The following SARS1 variants were observed in gnomAD, a reference collection of about 807,000 sequenced individuals.
SARS1 encodes seryl-tRNA synthetase 1, also known as serine--tRNA ligase, cytoplasmic.
A neutral mutation model predicts 63.7 loss-of-function variants in SARS1; 25 were observed. The ratio of observed to expected loss-of-function variants is 0.39; its 90% CI spans 0.29 to 0.55. SARS1 has a LOEUF of 0.55. Among genes scored for constraint, SARS1 ranks in the 20% least tolerant of loss-of-function variants. The pLI, the probability that SARS1 is intolerant of heterozygous loss-of-function variation, is 0.62. For synonymous variants in SARS1, 231 were observed against 243.5 expected, an observed-to-expected ratio of 0.95 and a Z score of 0.48; for missense variants, 417 against 649.7, an observed-to-expected ratio of 0.64 and a Z score of 3.89.
In SARS1 at chr1:109,235,492, GAGAT is replaced by G. The variant is rs1655289793; in HGVS notation, c.969+64_969+67del. 1.5e-6 allele frequency: 2 copies of G among 1,356,322 alleles called. No individual in the cohort carries two copies. Among genetic ancestry groups the G allele is most frequent in the Non-Finnish European group, 2.1e-6 (2 of 970,640 alleles). The allele number at this position is 1,356,322 out of a possible 1,614,324, so 84.0% of individuals were successfully genotyped here. A position where few individuals can be genotyped will look rare whatever the true frequency, so the allele number is the denominator to read the frequency against. On this transcript the variant is annotated intron_variant, in intron 7 of 10. Transcript: ENST00000234677. The surrounding 1 kb of genome is among the most constrained non-coding windows in gnomAD (Gnocchi z 4.7). ...CTCTGTCTCCAGAATGGTTAGATGA[GAGAT>G]AGGATCTGTGTTGCTGAGGCCCATC...
rs1381036341 is a variant in SARS1 at position 109,235,813 on chromosome 1, A to ACC, written c.970-163_970-162dup. ...GCTGGCATGCATACGGGAAGCTCGCACCATAAGCATTTGCTCTTGTGGTCC... is the reference window on the plus strand; with the variant it reads ...GCTGGCATGCATACGGGAAGCTCGCACCCCATAAGCATTTGCTCTTGTGGTCC... On this transcript the variant is annotated intron_variant, in intron 7 of 10. Coordinates refer to ENST00000234677, the MANE Select transcript of SARS1 (RefSeq NM_006513.4). This position sits in a 1 kb window ranked among gnomAD's most constrained non-coding sequence, Gnocchi z 4.7. Among the ~76,000 whole-genome samples the ACC allele has an allele frequency of 6.6e-6, 1 of 152,200 alleles. No homozygotes were observed. Among genetic ancestry groups the ACC allele is most frequent in the Non-Finnish European group, 1.5e-5 (1 of 68,032 alleles).
intron 3 of SARS1, 84 bp downstream of exon 3, chr1:109,228,516 T>A: frequency 1.1e-6 from 1 of 886,584 alleles, no homozygotes; most frequent in Non-Finnish European, 1.9e-6. Context: ...CTCACTCTGC[T>A]CCACACAGCA....
intron 1 of SARS1, among the ~76,000 whole-genome samples, chr1:109,221,994 A>G (rs865942433): frequency 0.05 from 1,181 of 23,530 alleles, 100 homozygotes; most frequent in Non-Finnish European, 0.058. Flanking sequence ...ATATATATAT[A>G]TATATATATA....
At chr1:109,236,755 T>A in intron 9 of SARS1, 2 of 1,553,502 alleles carry the variant, frequency 1.3e-6, no homozygotes, top group South Asian at 2.4e-5. Context: ...CTCTCTTCTA[T>A]AAGGTAATTC....
rs1414854622 is a variant in SARS1 at position 109,238,169 on chromosome 1, G to A, written c.*281G>A. 2.4e-6 allele frequency: 1 copy of A among 424,528 alleles called. No individual in the cohort carries two copies. The highest frequency in any genetic ancestry group is 1.9e-5 in the African/African-American group (1 of 51,314). 26.3% of individuals were successfully genotyped at this position (424,528 alleles called of 1,614,324 possible). A position where few individuals can be genotyped will look rare whatever the true frequency, so the allele number is the denominator to read the frequency against. On this transcript the variant is annotated 3_prime_UTR_variant, in exon 11 of 11. Coordinates refer to ENST00000234677, the MANE Select transcript of SARS1 (RefSeq NM_006513.4). ...TTCCCCGGGCTTGAACCCCGCCTCT[G>A]AGGTTCTCCCTGATATACACTTCTG...
Position 109,230,955 on chromosome 1 carries a change from G to A in SARS1, c.525G>A (p.Val175=). The part of the protein sequence containing the change: ...RKKYSHVDLV[V]MVDGFEGEKG... ...AGTACTCTCATGTGGACCTGGTGGT[G>A]ATGGTAGATGGCTTTGAAGGCGAAA... Residue 175 remains valine (V), a synonymous_variant, in exon 5 of 11, where the codon GTG becomes GTA. Transcript: ENST00000234677. The A allele has an allele frequency of 6.3e-7, 1 of 1,580,530 alleles. No homozygotes were observed. The highest frequency in any genetic ancestry group is 8.6e-7 in the Non-Finnish European group (1 of 1,164,086).
At chr1:109,226,697 T>TATATATATATACAC (rs1183766306) in intron 2 of SARS1, among the ~76,000 whole-genome samples, 1 of 104,178 alleles carries the variant, frequency 9.6e-6, no homozygotes, top group African/African-American at 3.8e-5. Context: ...TATATATATA[T>TATATATATATACAC]ACACACACAC....
intron 3 of SARS1, among the ~76,000 whole-genome samples, chr1:109,228,812 C>T (rs960541661): frequency 2.6e-5 from 4 of 152,150 alleles, no homozygotes; most frequent in Non-Finnish European, 4.4e-5. Context: ...AGTCACTGAA[C>T]CCTTTCTTGA....
At chr1:109,229,636 C>T (rs891425786) in intron 4 of SARS1, 64 bp downstream of exon 4, 14 of 1,521,702 alleles carry the variant, frequency 9.2e-6, no homozygotes, top group African/African-American at 5.6e-5. Flanking sequence ...GGGGCGGGGA[C>T]GGGAGGAGAT....
chr1:109,216,521 C>G, intron 1 of SARS1: 1 of 985,264 alleles, frequency 1.0e-6, no homozygotes, highest in Non-Finnish European at 1.2e-6. Flanking sequence ...AAATAGATTT[C>G]CATGTAACTG....
rs978605063 is a variant in SARS1 at position 109,228,237 on chromosome 1, A to G, written c.208-115A>G. 1.8e-5 allele frequency: 14 copies of G among 797,338 alleles called. No individual in the cohort carries two copies. The African/African-American group carries it at 2.5e-4, about 14-fold the overall frequency. 49.4% of individuals were successfully genotyped at this position (797,338 alleles called of 1,614,324 possible). The stretch of plus-strand genomic sequence containing the variant: ...CATGTTGTATCTTTTAGAAAAATTT[A>G]TGTAAGAAGTTCTGTGATTCATTTA... On this transcript the variant is annotated intron_variant, in intron 2 of 10. Coordinates refer to ENST00000234677, the MANE Select transcript of SARS1 (RefSeq NM_006513.4).
In SARS1 at chr1:109,214,635, C is replaced by A. The variant is rs968855750; in HGVS notation, c.136+507C>A. 5.1e-6 allele frequency: 5 copies of A among 985,804 alleles called. No individual in the cohort carries two copies. The highest frequency in any genetic ancestry group is 6.0e-6 in the Non-Finnish European group (5 of 830,152). 61.1% of individuals were successfully genotyped at this position (985,804 alleles called of 1,614,324 possible). The stretch of plus-strand genomic sequence containing the variant: ...CGGAAGCATTTCGGGGCGTTGGAGG[C>A]CGCTCTTGGCCAAAATAAATGACCC... On this transcript the variant is annotated intron_variant, in intron 1 of 10. Coordinates refer to ENST00000234677, the MANE Select transcript of SARS1 (RefSeq NM_006513.4). This position sits in a 1 kb window ranked among gnomAD's most constrained non-coding sequence, Gnocchi z 4.6.
Position 109,230,859 on chromosome 1 carries a change from T to C in SARS1, c.448-19T>C, listed in dbSNP as rs745770914. 112 of 1,591,780 alleles carry C rather than the reference T, an allele frequency of 7.0e-5. No homozygotes were observed. Among genetic ancestry groups the C allele is most frequent in the Non-Finnish European group, 9.1e-5 (106 of 1,167,470 alleles). ...AAATCATATGTCTTGTATGTCTCTT[T>C]CTTGCTCTGTTTCCTTAGGATGTGG... On this transcript the variant is annotated intron_variant, in intron 4 of 10. Transcript: ENST00000234677.
In SARS1 at chr1:109,214,418, G is replaced by A; in HGVS notation, c.136+290G>A. On this transcript the variant is annotated intron_variant, in intron 1 of 10. Coordinates refer to ENST00000234677, the MANE Select transcript of SARS1 (RefSeq NM_006513.4). The surrounding 1 kb of genome is among the most constrained non-coding windows in gnomAD (Gnocchi z 4.6). ...GAGCTGTCAAGCCTTCCTGCCCCAG[G>A]GGTTGCCAGAACATGCCGGGGCGGG... 2.8e-6 allele frequency: 2 copies of A among 712,774 alleles called. No homozygotes were observed. The highest frequency in any genetic ancestry group is 3.8e-6 in the Non-Finnish European group (2 of 520,458). 44.2% of individuals were successfully genotyped at this position (712,774 alleles called of 1,614,324 possible). A position where few individuals can be genotyped will look rare whatever the true frequency, so the allele number is the denominator to read the frequency against.
In SARS1 at chr1:109,230,963, A is replaced by G; in HGVS notation, c.533A>G (p.Asp178Gly). 1 of 1,575,540 alleles carries G rather than the reference A, an allele frequency of 6.3e-7. No homozygotes were observed. The highest frequency in any genetic ancestry group is 8.6e-7 in the Non-Finnish European group (1 of 1,161,678). ...YSHVDLVVMV[D>G]GFEGEKGAVV... ...CATGTGGACCTGGTGGTGATGGTAG[A>G]TGGCTTTGAAGGCGAAAAGGGGGCC... Residue 178 changes from aspartate to glycine, a missense_variant, in exon 5 of 11, where the codon GAT (aspartate) becomes GGT (glycine). Asp to Gly is a moderately conservative substitution (Grantham distance 94). Around this residue, in one of 3 missense-constraint regions of SARS1, gnomAD observed 359 missense variants for 529.6 expected, o/e 0.68. Transcript: ENST00000234677.
intron 5 of SARS1, 60 bp downstream of exon 5, chr1:109,231,081 ATAT>A (rs138061967): frequency 0.013 from 10,873 of 847,988 alleles, 114 homozygotes; most frequent in African/African-American, 0.09. Context: ...ATATATATAT[ATAT>A]TTTTTTTTTT....
intron 2 of SARS1, among the ~76,000 whole-genome samples, chr1:109,224,721 C>G (rs1655027976): frequency 6.6e-6 from 1 of 152,114 alleles, no homozygotes; most frequent in Non-Finnish European, 1.5e-5. Context: ...TGTTTCAGCT[C>G]AGCTTTTGCT....
intron 8 of SARS1, 25 bp from the exon 9 acceptor site, chr1:109,236,366 G>A (rs1238330769): frequency 6.3e-7 from 1 of 1,575,184 alleles, no homozygotes; most frequent in East Asian, 2.3e-5. Context: ...CCTCCTTCAT[G>A]AATTCTAGGG....
rs1654738054 is a variant in SARS1, at chr1:109,214,471, A to G, written c.136+343A>G. On this transcript the variant is annotated intron_variant, in intron 1 of 10. Coordinates refer to ENST00000234677, the MANE Select transcript of SARS1 (RefSeq NM_006513.4). This position sits in a 1 kb window ranked among gnomAD's most constrained non-coding sequence, Gnocchi z 4.6. ...GTTGTGGGGTCTACGCGGCTTTCCT[A>G]ACACGAATCTTTGGTCCCCCCCAGT... 1.0e-6 allele frequency: 1 copy of G among 998,210 alleles called. No homozygotes were observed. Among genetic ancestry groups the G allele is most frequent in the Non-Finnish European group, 1.2e-6 (1 of 815,922 alleles). 61.8% of individuals were successfully genotyped at this position (998,210 alleles called of 1,614,324 possible). A position where few individuals can be genotyped will look rare whatever the true frequency, so the allele number is the denominator to read the frequency against.
Sources: allele counts gnomAD v4.1 joint callset (sites outside exome capture counted in the v4.1 genomes callset), GRCh38; gene constraint gnomAD v4.1.1; regional missense constraint gnomAD v4.1.1; non-coding constraint Gnocchi (gnomAD v3.1); transcripts MANE v1.5; gene names NCBI Gene and HGNC (gene_info 2026-07-23, HGNC 2026-07-21).